FAM110B: variants seen among roughly 807,000 people sequenced by gnomAD.
The protein encoded by FAM110B is family with sequence similarity 110 member B.
Under a neutral mutation model 20.4 loss-of-function variants are expected in FAM110B, and 6 were observed. That is an observed-to-expected ratio of 0.29 (90% CI 0.16 to 0.58). FAM110B has a LOEUF of 0.58. FAM110B is among the 20% of genes least tolerant of loss of function. FAM110B has a pLI of 0.90. For missense variants in FAM110B, 434 were observed against 498.2 expected, an observed-to-expected ratio of 0.87 and a Z score of 1.23; for synonymous variants, 226 against 214.1, an observed-to-expected ratio of 1.06 and a Z score of -0.49.
At chr8:58,018,111 T>C (rs1804675503) in intron 1 of FAM110B, among the ~76,000 whole-genome samples, 1 of 151,580 alleles carries the variant, frequency 6.6e-6, no homozygotes, top group East Asian at 1.9e-4. Context: ...TGTTTTTAAA[T>C]GCTCAAACAA....
At chr8:58,135,171 T>C (rs1335489981) in intron 3 of FAM110B, among the ~76,000 whole-genome samples, 1 of 152,194 alleles carries the variant, frequency 6.6e-6, no homozygotes, top group Non-Finnish European at 1.5e-5. Flanking sequence ...CCTCTTTAAA[T>C]GTCTCTGGAC....
intron 3 of FAM110B, among the ~76,000 whole-genome samples, chr8:58,107,297 G>A (rs537967546): frequency 1.3e-5 from 2 of 152,086 alleles, no homozygotes; most frequent in Non-Finnish European, 2.9e-5. Flanking sequence ...TCACATTTCT[G>A]TGGTACTTTT....
intron 1 of FAM110B, among the ~76,000 whole-genome samples, chr8:58,010,651 A>G (rs914806033): frequency 2.0e-5 from 3 of 152,184 alleles, no homozygotes; most frequent in Admixed American, 1.3e-4. Flanking sequence ...AAATGAAACC[A>G]TAGTCCCTGT....
intron 1 of FAM110B, among the ~76,000 whole-genome samples, chr8:58,018,096 ATTG>A (rs746749733): frequency 9.2e-5 from 14 of 151,980 alleles, no homozygotes; most frequent in Non-Finnish European, 1.5e-4. Flanking sequence ...AATTTAGTTA[ATTG>A]TTGTTTTTAA....
At chr8:58,140,328 A>G (rs1803712112) in intron 3 of FAM110B, among the ~76,000 whole-genome samples, 1 of 152,188 alleles carries the variant, frequency 6.6e-6, no homozygotes, top group Non-Finnish European at 1.5e-5. Context: ...GAAGTGAATG[A>G]AAATGCCTGT....
chr8:58,063,799 TTAAC>T (rs1333693827), intron 2 of FAM110B, among the ~76,000 whole-genome samples: 3 of 152,274 alleles, frequency 2.0e-5, no homozygotes, highest in East Asian at 1.9e-4. Context: ...TATCATTTAT[TTAAC>T]TAATTTGTTA....
At chr8:58,035,844 G>C (rs1805066370) in intron 2 of FAM110B, among the ~76,000 whole-genome samples, 1 of 152,160 alleles carries the variant, frequency 6.6e-6, no homozygotes, top group East Asian at 1.9e-4. Context: ...ATGGGCTGGA[G>C]TCATCTGTCT....
At chr8:58,030,968 C>T (rs1009523876) in intron 1 of FAM110B, among the ~76,000 whole-genome samples, 2 of 152,130 alleles carry the variant, frequency 1.3e-5, no homozygotes, top group Non-Finnish European at 2.9e-5. Flanking sequence ...AGTCATTTCT[C>T]GGTCCAGTCG....
At chr8:58,098,326 C>A (rs1278092770) in intron 3 of FAM110B, among the ~76,000 whole-genome samples, 3 of 152,232 alleles carry the variant, frequency 2.0e-5, no homozygotes, top group Non-Finnish European at 4.4e-5. Flanking sequence ...AACTTCCTGG[C>A]AGCTTTGTTT....
chr8:58,004,031 TG>T (rs1173688333), intron 1 of FAM110B, among the ~76,000 whole-genome samples: 1 of 151,032 alleles, frequency 6.6e-6, no homozygotes, highest in Admixed American at 6.6e-5. Flanking sequence ...TTCCACGGAC[TG>T]GGGGATGGGG....
chr8:58,062,314 A>C (rs1805673364), intron 2 of FAM110B, among the ~76,000 whole-genome samples: 1 of 152,226 alleles, frequency 6.6e-6, no homozygotes, highest in Non-Finnish European at 1.5e-5. Flanking sequence ...ATTGGGGGTG[A>C]TCGTTTTCAA....
rs1354278354 is a variant in FAM110B, at chr8:58,024,613, A to C, written c.-511-6993A>C. On this transcript the variant is annotated intron_variant, in intron 1 of 3. Transcript: ENST00000519262. ...AATAATAGTGGCCAGGACTTAACAC[A>C]ACTCTGCCTTACTCAGTGCTGCTGC... is the stretch of plus-strand genomic sequence containing the variant. Among the ~76,000 whole-genome samples, 6 of 152,336 alleles carry C rather than the reference A, an allele frequency of 3.9e-5. No homozygotes were observed. In the South Asian group the frequency reaches 1.0e-3, roughly 26 times the overall value.
chr8:58,019,183 T>C (rs768419091), intron 1 of FAM110B, among the ~76,000 whole-genome samples: 3 of 149,950 alleles, frequency 2.0e-5, no homozygotes, highest in Non-Finnish European at 4.4e-5. Flanking sequence ...AAAAAAAATA[T>C]AAACATTAGC....
At chr8:58,126,676 TTC>T (rs1434284046) in intron 3 of FAM110B, among the ~76,000 whole-genome samples, 3 of 152,226 alleles carry the variant, frequency 2.0e-5, no homozygotes, top group African/African-American at 7.2e-5. Context: ...TTGACATCTT[TTC>T]ATATGTCTAT....
chr8:58,043,352 T>C (rs1805257084), intron 2 of FAM110B: 1 of 152,248 alleles, frequency 6.6e-6, no homozygotes, highest in African/African-American at 2.4e-5. Context: ...TCAGGGATTT[T>C]AACTTTGTCA....
intron 3 of FAM110B, among the ~76,000 whole-genome samples, chr8:58,106,896 G>A (rs900443676): frequency 6.6e-6 from 1 of 152,176 alleles, no homozygotes; most frequent in African/African-American, 2.4e-5. Context: ...GTTTTATAGT[G>A]TTCATTTCCC....
rs749004407 is a variant in FAM110B at position 58,146,953 on chromosome 8, C to A, written c.723C>A (p.Ala241=). 1.9e-6 allele frequency: 3 copies of A among 1,614,220 alleles called. No homozygotes were observed. Among genetic ancestry groups the A allele is most frequent in the East Asian group, 4.5e-5 (2 of 44,884 alleles). Residue 241 remains alanine, a synonymous_variant, in exon 4 of 4, where the codon GCC becomes GCA. Coordinates refer to ENST00000519262, the MANE Select transcript of FAM110B (RefSeq NM_001377989.1). Reference sequence around the variant, plus strand: ...TCGCCTCCATGAAGTCCCCCGAGGCCGACCCTGTGGAACCAGCTTGTGGAG... The same window carrying A: ...TCGCCTCCATGAAGTCCCCCGAGGCAGACCCTGTGGAACCAGCTTGTGGAG... ...AAIASMKSPE[A]DPVEPACGVS...
intron 1 of FAM110B, among the ~76,000 whole-genome samples, chr8:57,999,573 T>C (rs1804253059): frequency 6.6e-6 from 1 of 152,168 alleles, no homozygotes; most frequent in Non-Finnish European, 1.5e-5. Context: ...TAAGTAATTA[T>C]GCAAAAGAAC....
rs1333587384 is a variant in FAM110B at position 58,146,868 on chromosome 8, A to G, written c.638A>G (p.Lys213Arg). 1.2e-6 allele frequency: 2 copies of G among 1,613,972 alleles called. No homozygotes were observed. Among genetic ancestry groups the G allele is most frequent in the African/African-American group, 1.3e-5 (1 of 74,950 alleles). ...IRKVTSVKPLKAIPCSSSAPP... is the reference protein window; with the variant it reads ...IRKVTSVKPLRAIPCSSSAPP... Reference sequence around the variant, plus strand: ...AAGGTGACCAGCGTGAAGCCCCTCAAGGCCATCCCCTGCAGTAGCTCTGCC... The same window carrying G: ...AAGGTGACCAGCGTGAAGCCCCTCAGGGCCATCCCCTGCAGTAGCTCTGCC... The change falls in exon 4 of 4, where the codon AAG becomes AGG. Residue 213 changes from lysine to arginine, a missense_variant. This residue lies in a region of FAM110B where 284 missense variants were observed against 278.3 expected (regional missense o/e 1.02). Coordinates refer to ENST00000519262, the MANE Select transcript of FAM110B (RefSeq NM_001377989.1).
Sources: gnomAD v4.1 joint callset for allele counts (sites outside exome capture counted in the v4.1 genomes callset) on GRCh38, gnomAD v4.1.1 for gene constraint, gnomAD v4.1.1 regional missense constraint, MANE v1.5 for transcripts, NCBI Gene and HGNC (gene_info 2026-07-23, HGNC 2026-07-21) for gene names.